Variants in SGCD observed in about 807,000 individuals in gnomAD.
The protein encoded by SGCD is sarcoglycan delta.
SGCD carries 18 observed loss-of-function variants against 36.6 expected under a neutral mutation model. That is an observed-to-expected ratio of 0.49 (90% CI 0.34 to 0.73). The LOEUF (loss-of-function observed/expected upper bound fraction) is 0.73. Among genes scored for constraint, SGCD ranks in the 30% least tolerant of loss-of-function variants. The pLI, the probability that SGCD is intolerant of heterozygous loss-of-function variation, is 0.01. For missense variants in SGCD, 387 were observed against 346.7 expected, an observed-to-expected ratio of 1.12 and a Z score of -0.92; for synonymous variants, 133 against 130.6, an observed-to-expected ratio of 1.02 and a Z score of -0.12.
intron 1 of SGCD, among the ~76,000 whole-genome samples, chr5:155,957,075 C>A (rs752822090): frequency 6.6e-6 from 1 of 150,814 alleles, no homozygotes; most frequent in Non-Finnish European, 1.5e-5. Context: ...AGAAGTGATG[C>A]GGTTTTGAAT....
chr5:156,395,228 G>A (rs1356147506), intron 3 of SGCD, among the ~76,000 whole-genome samples: 2 of 152,202 alleles, frequency 1.3e-5, no homozygotes, highest in Non-Finnish European at 2.9e-5. Flanking sequence ...GAAGACTTTA[G>A]GAATGCCTTG....
rs182236755 is a variant in SGCD, at chr5:156,585,557, C to G, written c.295-3674C>G. On this transcript the variant is annotated intron_variant, in intron 4 of 8. Coordinates refer to ENST00000337851, the MANE Select transcript of SGCD (RefSeq NM_000337.6). The stretch of plus-strand genomic sequence containing the variant: ...CATTGTGATGACTGTGGAGAAGTCA[C>G]TATGTTCTGACTACCCAGTGTTGAG... 7.9e-5 allele frequency among the ~76,000 whole-genome samples: 12 copies of G among 152,286 alleles called. No individual in the cohort carries two copies. In the East Asian group the frequency reaches 2.3e-3, roughly 29 times the overall value.
chr5:156,440,778 C>G (rs1753453776), intron 3 of SGCD, among the ~76,000 whole-genome samples: 1 of 152,086 alleles, frequency 6.6e-6, no homozygotes, highest in Admixed American at 6.6e-5. Flanking sequence ...AACATCTATT[C>G]AAATCCTTTT....
intron 7 of SGCD, among the ~76,000 whole-genome samples, chr5:156,723,850 A>AGTGT (rs60939391): frequency 0.08 from 12,039 of 150,036 alleles, 498 homozygotes; most frequent in Non-Finnish European, 0.1. Context: ...TTTTAAGCCA[A>AGTGT]GTGTGTGTGT....
At chr5:156,173,267 A>C (rs553527727) in intron 3 of SGCD, among the ~76,000 whole-genome samples, 1 of 152,326 alleles carries the variant, frequency 6.6e-6, no homozygotes, top group East Asian at 1.9e-4. Context: ...AAAAAATACC[A>C]CATGTGGACT....
At chr5:156,138,990 T>A (rs1307052433) in intron 3 of SGCD, among the ~76,000 whole-genome samples, 1 of 152,242 alleles carries the variant, frequency 6.6e-6, no homozygotes, top group Non-Finnish European at 1.5e-5. Context: ...TTGTGAAAAG[T>A]CTATTCAAGT....
At chr5:156,642,215 C>T (rs1276327646) in intron 6 of SGCD, among the ~76,000 whole-genome samples, 1 of 152,058 alleles carries the variant, frequency 6.6e-6, no homozygotes, top group African/African-American at 2.4e-5. Context: ...CCCAAACGCC[C>T]CACCTCCTAA....
intron 2 of SGCD, among the ~76,000 whole-genome samples, chr5:156,337,141 A>G (rs2127710145): frequency 6.6e-6 from 1 of 152,322 alleles, no homozygotes; most frequent in Non-Finnish European, 1.5e-5. Context: ...AAAAACTAAT[A>G]TGGCTAATGG....
At chr5:156,391,107 A>G (rs945206453) in intron 3 of SGCD, among the ~76,000 whole-genome samples, 1 of 152,200 alleles carries the variant, frequency 6.6e-6, no homozygotes, top group Non-Finnish European at 1.5e-5. Flanking sequence ...AGTGCCCTAT[A>G]CAGGTGAAAC....
the SGCD span, among the ~76,000 whole-genome samples, chr5:155,835,017 T>TTTTTTTTTTTTTTTTTTA: frequency 7.6e-6 from 1 of 131,996 alleles, no homozygotes; most frequent in African/African-American, 2.7e-5. Context: ...TTTTTTTTTT[T>TTTTTTTTTTTTTTTTTTA]TTTTTTTTGA....
At chr5:156,399,064 G>A (rs1379776071) in intron 3 of SGCD, among the ~76,000 whole-genome samples, 7 of 152,148 alleles carry the variant, frequency 4.6e-5, no homozygotes, top group African/African-American at 1.7e-4. Flanking sequence ...GTTTTCATGT[G>A]ATTTAAAATT....
At chr5:155,817,138 A>T in the SGCD span, among the ~76,000 whole-genome samples, 1 of 152,170 alleles carries the variant, frequency 6.6e-6, no homozygotes, top group African/African-American at 2.4e-5. Flanking sequence ...ATATTGATCT[A>T]TTGCAATTTA....
chr5:156,727,679 G>GTCTA (rs1330602585), intron 7 of SGCD, among the ~76,000 whole-genome samples: 8 of 126,724 alleles, frequency 6.3e-5, no homozygotes, highest in Non-Finnish European at 8.8e-5. Context: ...GTTTTTTTCT[G>GTCTA]TCTATCTTGG....
intron 1 of SGCD, among the ~76,000 whole-genome samples, chr5:156,079,151 G>C (rs10067216): frequency 6.6e-6 from 1 of 151,912 alleles, no homozygotes; most frequent in Admixed American, 6.6e-5. Context: ...GAGCAAGAGA[G>C]AAAGAAAGAG....
intron 6 of SGCD, among the ~76,000 whole-genome samples, chr5:156,644,008 CAATATT>C (rs971078385): frequency 1.3e-5 from 2 of 152,060 alleles, no homozygotes; most frequent in Non-Finnish European, 2.9e-5. Context: ...ATAATTATAT[CAATATT>C]AATCATGTTC....
intron 2 of SGCD, among the ~76,000 whole-genome samples, chr5:156,334,399 AG>A (rs1269619444): frequency 6.6e-6 from 1 of 152,206 alleles, no homozygotes; most frequent in Non-Finnish European, 1.5e-5. Context: ...TTGCTGCCCA[AG>A]GGCATTCAGT....
At chr5:156,558,704 A>G (rs545899670) in intron 4 of SGCD, among the ~76,000 whole-genome samples, 112 of 152,220 alleles carry the variant, frequency 7.4e-4, no homozygotes, top group Middle Eastern at 6.8e-3. Context: ...AGAATTACTG[A>G]CCTTTAATTT....
Position 156,120,286 on chromosome 5 carries a change from G to C in SGCD, c.-208+2335G>C, listed in dbSNP as rs756272308. Among the ~76,000 whole-genome samples, 75 of 152,096 alleles carry C rather than the reference G, an allele frequency of 4.9e-4. 1 individual carries two copies. Among genetic ancestry groups the C allele is most frequent in the Non-Finnish European group, 1.9e-4 (13 of 68,002 alleles). The stretch of plus-strand genomic sequence containing the variant: ...GAGGTGAGGAGCAAAGTAAGGAAAT[G>C]AGTGTTGTTCCCAAGAAAACCAAGA... On this transcript the variant is annotated intron_variant, in intron 2 of 9. Transcript: ENST00000517913.
At chr5:156,458,004 C>T (rs1456243869) in intron 3 of SGCD, among the ~76,000 whole-genome samples, 4 of 152,134 alleles carry the variant, frequency 2.6e-5, no homozygotes, top group African/African-American at 7.2e-5. Flanking sequence ...CCAGTCCCAG[C>T]CTACAAACCA....
Sources: allele counts gnomAD v4.1 joint callset (sites outside exome capture counted in the v4.1 genomes callset), GRCh38; gene constraint gnomAD v4.1.1; transcripts MANE v1.5; gene names NCBI Gene and HGNC (gene_info 2026-07-23, HGNC 2026-07-21).